MTA3: variants seen among roughly 807,000 people sequenced by gnomAD.
MTA3 encodes the protein metastasis-associated protein MTA3.
Under a neutral mutation model 83.5 loss-of-function variants are expected in MTA3, and 34 were observed. The observed-to-expected ratio is 0.41, with a 90% confidence interval of 0.31 to 0.54. The LOEUF (loss-of-function observed/expected upper bound fraction) is 0.54, where lower values mean the gene tolerates loss of function less well. Ranked by LOEUF, MTA3 falls within the 20% of genes least tolerant of loss-of-function variation. The pLI, the probability that MTA3 is intolerant of heterozygous loss-of-function variation, is 0.33. For missense variants in MTA3, 761 were observed against 726.4 expected (o/e 1.05, Z -0.55); for synonymous variants, 303 against 252.7 (o/e 1.20, Z -1.89).
At chr2:42,723,666 A>T (rs867136605) in intron 16 of MTA3, among the ~76,000 whole-genome samples, 9 of 152,212 alleles carry the variant, frequency 5.9e-5, no homozygotes, top group African/African-American at 1.7e-4. Flanking sequence ...CTATAAACAC[A>T]ACCATAATAA....
intron 3 of MTA3, among the ~76,000 whole-genome samples, chr2:42,587,309 C>T (rs1020705901): frequency 1.3e-5 from 2 of 152,158 alleles, no homozygotes; most frequent in African/African-American, 4.8e-5. Context: ...AAGACCCTGC[C>T]TCCCAAAATA....
chr2:42,577,530 G>A (rs1679190488), intron 2 of MTA3, among the ~76,000 whole-genome samples: 1 of 151,450 alleles, frequency 6.6e-6, no homozygotes, highest in South Asian at 2.1e-4. Flanking sequence ...ACCCAGGCTG[G>A]AGTGCAGTGG....
At chr2:42,558,797 C>T (rs1478659413) in intron 2 of MTA3, among the ~76,000 whole-genome samples, 5 of 151,646 alleles carry the variant, frequency 3.3e-5, no homozygotes, top group African/African-American at 9.7e-5. Context: ...TCATGCAATC[C>T]GCCTGCCTCA....
At chr2:42,500,702 C>G (rs1372348460) in intron 2 of MTA3, among the ~76,000 whole-genome samples, 1 of 151,448 alleles carries the variant, frequency 6.6e-6, no homozygotes, top group Non-Finnish European at 1.5e-5. Flanking sequence ...GATAAATTAA[C>G]AAGAGAAACA....
chr2:42,658,540 C>G (rs557825093), intron 7 of MTA3, among the ~76,000 whole-genome samples: 1 of 152,192 alleles, frequency 6.6e-6, no homozygotes, highest in East Asian at 1.9e-4. Flanking sequence ...TAATTTTAAT[C>G]AAAAGAAGCT....
At chr2:42,704,661 G>C (rs190099607) in intron 12 of MTA3, among the ~76,000 whole-genome samples, 1 of 152,184 alleles carries the variant, frequency 6.6e-6, no homozygotes, top group Non-Finnish European at 1.5e-5. Flanking sequence ...CCCCTTTGGA[G>C]TTTCTCAGTA....
intron 16 of MTA3, among the ~76,000 whole-genome samples, chr2:42,727,059 A>G (rs1667878525): frequency 6.6e-6 from 1 of 152,162 alleles, no homozygotes. Flanking sequence ...AGCTGGATGT[A>G]GTGGCATGCA....
intron 16 of MTA3, among the ~76,000 whole-genome samples, chr2:42,742,142 CTTTTTTTTTTTT>C (rs779331968): frequency 7.1e-6 from 1 of 141,170 alleles, no homozygotes; most frequent in African/African-American, 2.7e-5. Flanking sequence ...TTCTTTCTTT[CTTTTTTTTTTTT>C]TTGAGAAGCA....
chr2:42,726,115 A>C (rs1203042010), intron 16 of MTA3, among the ~76,000 whole-genome samples: 1 of 152,230 alleles, frequency 6.6e-6, no homozygotes, highest in East Asian at 1.9e-4. Context: ...ACTCATGGGA[A>C]AGCCTTGTTC....
At chr2:42,523,460 G>A (rs1675522362) in intron 2 of MTA3, among the ~76,000 whole-genome samples, 1 of 152,168 alleles carries the variant, frequency 6.6e-6, no homozygotes, top group Non-Finnish European at 1.5e-5. Flanking sequence ...CCTCAACCAG[G>A]AAGATGAAGA....
chr2:42,708,030 G>T lies in MTA3; in HGVS notation c.1278G>T (p.Lys426Asn). ...LKMPTQSEEEKLSPSPTTEDP... is the reference protein window; with the variant it reads ...LKMPTQSEEENLSPSPTTEDP... Reference sequence around the variant, plus strand: ...TGCCCACCCAGTCAGAAGAAGAGAAGTTATCTCCTAGCCCAACTACAGAGG... The same window carrying T: ...TGCCCACCCAGTCAGAAGAAGAGAATTTATCTCCTAGCCCAACTACAGAGG... Residue 426 changes from lysine (K) to asparagine (N), a missense_variant, in exon 13 of 17, where the codon AAG becomes AAT. By Grantham distance (94) the Lys-to-Asn change is moderately conservative. Transcript: ENST00000405094. 1.2e-6 allele frequency: 2 copies of T among 1,611,202 alleles called. No homozygotes were observed. The highest frequency in any genetic ancestry group is 1.7e-6 in the Non-Finnish European group (2 of 1,179,228).
At chr2:42,538,679 G>T (rs1283140745) in intron 2 of MTA3, among the ~76,000 whole-genome samples, 1 of 140,366 alleles carries the variant, frequency 7.1e-6, no homozygotes, top group East Asian at 2.1e-4. Context: ...CTGCATTCCA[G>T]CCTGGGCGAC....
At chr2:42,608,242 G>A (rs1164510548) in intron 3 of MTA3, among the ~76,000 whole-genome samples, 2 of 152,152 alleles carry the variant, frequency 1.3e-5, no homozygotes, top group Admixed American at 6.5e-5. Context: ...TCCTAATTAG[G>A]TAAAGAGTGT....
intron 9 of MTA3, among the ~76,000 whole-genome samples, chr2:42,690,962 C>T (rs1398119758): frequency 6.6e-6 from 1 of 151,690 alleles, no homozygotes; most frequent in African/African-American, 2.4e-5. Context: ...CTGCAACCTC[C>T]ACCTCCCAGG....
Position 42,518,915 on chromosome 2 carries a change from A to T in MTA3, c.-141+23661A>T, listed in dbSNP as rs11900047. 2.0e-3 allele frequency among the ~76,000 whole-genome samples: 305 copies of T among 151,476 alleles called. 2 individuals are homozygous for T. Among genetic ancestry groups the T allele is most frequent in the African/African-American group, 7.2e-3 (296 of 41,322 alleles). ...TTCGAGGTTGAAGCTACAGTGAGCC[A>T]TGACTGAGTCACTGCACTCTAGCCT... On this transcript the variant is annotated intron_variant, in intron 2 of 17. Transcript: ENST00000405592.
chr2:42,609,431 T>A, intron 3 of MTA3, 27 bp from the exon 4 acceptor site: 1 of 1,609,328 alleles, frequency 6.2e-7, no homozygotes, highest in Non-Finnish European at 8.5e-7. Flanking sequence ...TTTGTACTAA[T>A]AAATTCTTTG....
Position 42,753,647 on chromosome 2 carries a change from C to G in MTA3, c.*248C>G, listed in dbSNP as rs745888651. On this transcript the variant is annotated 3_prime_UTR_variant, in exon 17 of 17. Transcript: ENST00000405094. ...AGACCTCGCTGTTACGGAGCGAGAC[C>G]TGCTGAGAATTGAGGGGCTGAGGGA... 42 of 1,323,052 alleles carry G rather than the reference C, an allele frequency of 3.2e-5. No homozygotes were observed. The highest frequency in any genetic ancestry group is 4.1e-5 in the Non-Finnish European group (42 of 1,031,808). The allele number at this position is 1,323,052 out of a possible 1,614,324, so 82.0% of individuals were successfully genotyped here. A position where few individuals can be genotyped will look rare whatever the true frequency, so the allele number is the denominator to read the frequency against.
At chr2:42,509,052 GT>G (rs1674778225) in intron 2 of MTA3, among the ~76,000 whole-genome samples, 1 of 151,480 alleles carries the variant, frequency 6.6e-6, no homozygotes, top group South Asian at 2.1e-4. Context: ...TGTTGTTGTT[GT>G]TGTTTTTGTG....
chr2:42,664,647 A>G (rs571026426), intron 8 of MTA3, among the ~76,000 whole-genome samples: 1 of 151,948 alleles, frequency 6.6e-6, no homozygotes, highest in Admixed American at 6.6e-5. Context: ...ACTGCCGACT[A>G]ATTACGGTCC....
Sources: gnomAD v4.1 joint callset for allele counts (sites outside exome capture counted in the v4.1 genomes callset) on GRCh38, gnomAD v4.1.1 for gene constraint, MANE v1.5 for transcripts, NCBI Gene and HGNC (gene_info 2026-07-23, HGNC 2026-07-21) for gene names.